Variants in SPATA6L observed in about 807,000 individuals in gnomAD.
SPATA6L encodes the protein spermatogenesis associated 6 like.
A neutral mutation model predicts 49.2 loss-of-function variants in SPATA6L; 68 were observed. The ratio of observed to expected loss-of-function variants is 1.38; its 90% CI spans 1.14 to 1.69. SPATA6L has a LOEUF of 1.69. Among genes scored for constraint, SPATA6L ranks in the 40% most tolerant of loss-of-function variants. The pLI is 0.00. For synonymous variants in SPATA6L, 198 were observed against 165.7 expected (o/e 1.19, Z -1.50); for missense variants, 668 against 464.3 (o/e 1.44, Z -4.03).
chr9:4,606,675 A>C (rs1586975899), intron 9 of SPATA6L, among the ~76,000 whole-genome samples: 1 of 119,880 alleles, frequency 8.3e-6, no homozygotes, highest in Non-Finnish European at 1.7e-5. Context: ...AAAAGTAGAT[A>C]AAACCACAAA....
chr9:4,651,061 G>A (rs183059312), intron 3 of SPATA6L, among the ~76,000 whole-genome samples: 3 of 152,044 alleles, frequency 2.0e-5, no homozygotes, highest in East Asian at 1.9e-4. Flanking sequence ...GGGGTAGAGT[G>A]GTACGATCAC....
chr9:4,601,367 G>A (rs573814719), intron 11 of SPATA6L, among the ~76,000 whole-genome samples: 910 of 50,094 alleles, frequency 0.018, 10 homozygotes, highest in Non-Finnish European at 0.031. Flanking sequence ...CTTTACGGGA[G>A]GTTTTTTTTT....
intron 11 of SPATA6L, among the ~76,000 whole-genome samples, 164 bp downstream of exon 11, chr9:4,604,015 G>A (rs1371329899): frequency 6.6e-6 from 1 of 152,196 alleles, no homozygotes; most frequent in Admixed American, 6.5e-5. Context: ...GTGCACTGCA[G>A]TTATCATACA....
intron 4 of SPATA6L, among the ~76,000 whole-genome samples, chr9:4,632,370 A>G (rs1425520698): frequency 2.0e-5 from 3 of 151,834 alleles, no homozygotes; most frequent in African/African-American, 7.3e-5. Context: ...CCGAGGCAGG[A>G]GAATCACCTG....
chr9:4,620,572 A>C (rs911585577), intron 7 of SPATA6L, among the ~76,000 whole-genome samples: 4 of 152,206 alleles, frequency 2.6e-5, no homozygotes, highest in Admixed American at 1.3e-4. Context: ...GCCTGGATGA[A>C]TGAGCTGACA....
rs1184198489 is a variant in SPATA6L at position 4,607,709 on chromosome 9, G to A, written c.996-2269C>T. Among the ~76,000 whole-genome samples the A allele has an allele frequency of 5.3e-4, 80 of 151,840 alleles. No homozygotes were observed. In the East Asian group the frequency reaches 7.6e-3, roughly 14 times the overall value. On this transcript the variant is annotated intron_variant, in intron 9 of 11. Coordinates refer to ENST00000682582, the MANE Select transcript of SPATA6L (RefSeq NM_001353486.2). ...AAAATCATGCCAAAATGTAAAGACC[G>A]TCGAGACTAGGAAGAAACTGCATCA...
chr9:4,652,800 G>A (rs984654518), intron 3 of SPATA6L, among the ~76,000 whole-genome samples: 4 of 139,424 alleles, frequency 2.9e-5, no homozygotes, highest in Admixed American at 7.6e-5. Flanking sequence ...GAGATCGCAC[G>A]ATTGCACTCC....
chr9:4,652,564 T>C (rs892115467), intron 3 of SPATA6L, among the ~76,000 whole-genome samples: 2 of 152,058 alleles, frequency 1.3e-5, no homozygotes, highest in African/African-American at 4.8e-5. Context: ...AAAATAAATT[T>C]AAAGGCTGGG....
chr9:4,660,731 C>A (rs146340514), intron 2 of SPATA6L, among the ~76,000 whole-genome samples: 2 of 152,282 alleles, frequency 1.3e-5, no homozygotes, highest in African/African-American at 4.8e-5. Context: ...CACATGCACA[C>A]GTATGTTTAT....
At chr9:4,606,526 C>A (rs368285513) in intron 9 of SPATA6L, among the ~76,000 whole-genome samples, 1 of 38,156 alleles carries the variant, frequency 2.6e-5, no homozygotes, top group Non-Finnish European at 6.4e-5. Context: ...AGGCACCCCC[C>A]AGCAGGGGCA....
At chr9:4,606,170 T>G (rs937269680) in intron 9 of SPATA6L, among the ~76,000 whole-genome samples, 5 of 151,418 alleles carry the variant, frequency 3.3e-5, no homozygotes, top group African/African-American at 7.3e-5. Context: ...TCTCGCTGAT[T>G]GCTAGCACAG....
At chr9:4,664,035 A>G (rs1156263068) in intron 1 of SPATA6L, 1 of 167,132 alleles carries the variant, frequency 6.0e-6, no homozygotes, top group East Asian at 1.9e-4. Flanking sequence ...CTTAAAAGGT[A>G]GGCATATCTA....
chr9:4,655,817 C>T (rs1474007228), intron 3 of SPATA6L, among the ~76,000 whole-genome samples: 1 of 152,126 alleles, frequency 6.6e-6, no homozygotes, highest in Non-Finnish European at 1.5e-5. Flanking sequence ...TCCCAAAGTG[C>T]TGGGATTACA....
chr9:4,641,322 C>A (rs1833988175), intron 3 of SPATA6L, among the ~76,000 whole-genome samples: 1 of 151,992 alleles, frequency 6.6e-6, no homozygotes, highest in African/African-American at 2.4e-5. Context: ...ATGAAAATAT[C>A]CATGAATGCT....
In SPATA6L at chr9:4,599,516, C is replaced by T. The variant is rs940769315; in HGVS notation, c.*1295G>A. On this transcript the variant is annotated 3_prime_UTR_variant, in exon 12 of 12. Coordinates refer to ENST00000682582, the MANE Select transcript of SPATA6L (RefSeq NM_001353486.2). ...AGGGTAGTGTCTTACTCTATTCAGG[C>T]TGCTATAACAAAATGTCATAAACTG... 1.3e-5 allele frequency among the ~76,000 whole-genome samples: 2 copies of T among 152,162 alleles called. No individual in the cohort carries two copies. The highest frequency in any genetic ancestry group is 4.8e-5 in the African/African-American group (2 of 41,418).
At chr9:4,607,355 A>G (rs1350660826) in intron 9 of SPATA6L, among the ~76,000 whole-genome samples, 1 of 152,102 alleles carries the variant, frequency 6.6e-6, no homozygotes, top group African/African-American at 2.4e-5. Context: ...GATTCACCAA[A>G]GTTGAAATGA....
In SPATA6L at chr9:4,653,810, G is replaced by A. The variant is rs367851449; in HGVS notation, c.226+2231C>T. On this transcript the variant is annotated intron_variant, in intron 3 of 11. Transcript: ENST00000682582. ...AAAATAGCTAGGCATGGTGCTGTGCGCCTATAGTCCCAGCTACTTCAGAGG... is the reference window on the plus strand; with the variant it reads ...AAAATAGCTAGGCATGGTGCTGTGCACCTATAGTCCCAGCTACTTCAGAGG... Among the ~76,000 whole-genome samples the A allele has an allele frequency of 5.9e-5, 9 of 152,222 alleles. No individual in the cohort carries two copies. In the East Asian group the frequency reaches 9.6e-4, roughly 16 times the overall value.
At chr9:4,603,170 G>T (rs1823792271) in intron 11 of SPATA6L, among the ~76,000 whole-genome samples, 1 of 152,138 alleles carries the variant, frequency 6.6e-6, no homozygotes, top group African/African-American at 2.4e-5. Flanking sequence ...GGTGGCTCAC[G>T]CCTGTAATAC....
At position 4,629,769 on chromosome 9, in the gene SPATA6L, G is replaced by GTGTATATATATA. The variant is rs1311805859; in HGVS notation, c.352-602_352-601insTATATATATACA. Among the ~76,000 whole-genome samples the GTGTATATATATA allele has an allele frequency of 5.1e-3, 523 of 101,870 alleles. 10 individuals are homozygous for GTGTATATATATA. Among genetic ancestry groups the GTGTATATATATA allele is most frequent in the African/African-American group, 0.023 (464 of 20,106 alleles). The allele number at this position is 101,870 out of a possible 152,430, so 66.8% of individuals were successfully genotyped here. ...GTGTTTTATATATGTGTGTGTGTGT[G>GTGTATATATATA]TATATATATATATATATATATATAT... is the stretch of plus-strand genomic sequence containing the variant. On this transcript the variant is annotated intron_variant, in intron 4 of 11. Transcript: ENST00000682582.
Sources: gnomAD v4.1 joint callset for allele counts (sites outside exome capture counted in the v4.1 genomes callset) on GRCh38, gnomAD v4.1.1 for gene constraint, MANE v1.5 for transcripts, NCBI Gene and HGNC (gene_info 2026-07-23, HGNC 2026-07-21) for gene names.